VPS37A: variants seen among roughly 807,000 people sequenced by gnomAD.
VPS37A encodes VPS37A subunit of ESCRT-I.
A neutral mutation model predicts 49.8 loss-of-function variants in VPS37A; 30 were observed. That is an observed-to-expected ratio of 0.60 (90% CI 0.45 to 0.82). VPS37A has a LOEUF of 0.82. Among genes scored for constraint, VPS37A ranks in the 40% least tolerant of loss-of-function variants. VPS37A has a pLI of 0.00. For synonymous variants in VPS37A, 195 were observed against 160.6 expected, an observed-to-expected ratio of 1.21 and a Z score of -1.62; for missense variants, 593 against 464.4, an observed-to-expected ratio of 1.28 and a Z score of -2.55.
At chr8:17,302,025 G>A (rs539180688), downstream of VPS37A, 55 of 1,227,496 alleles carry the variant, frequency 4.5e-5, no homozygotes, top group Non-Finnish European at 6.2e-5. Context: ...ATGGGGTTGT[G>A]TTTCAGGTGT....
intron 1 of VPS37A, among the ~76,000 whole-genome samples, chr8:17,265,189 G>C (rs1269431627): frequency 6.6e-6 from 1 of 152,122 alleles, no homozygotes; most frequent in South Asian, 2.1e-4. Flanking sequence ...TAGAAGTCTA[G>C]TTCCTAGATC....
At chr8:17,256,082 C>G (rs1812419153) in intron 1 of VPS37A, among the ~76,000 whole-genome samples, 2 of 151,174 alleles carry the variant, frequency 1.3e-5, no homozygotes, top group Admixed American at 1.3e-4. Context: ...ATGGCAGTTT[C>G]ATTTTTTTTT....
At chr8:17,304,311 C>G, downstream of VPS37A, 1 of 1,552,288 alleles carries the variant, frequency 6.4e-7, no homozygotes, top group Non-Finnish European at 8.8e-7. Context: ...ACTTTGACCT[C>G]TGAATGTTAA....
rs768463922 is a variant in VPS37A at position 17,265,989 on chromosome 8, GA to G, written c.200+10del. 3 of 1,604,926 alleles carry G rather than the reference GA, an allele frequency of 1.9e-6. No individual in the cohort carries two copies. Among genetic ancestry groups the G allele is most frequent in the Non-Finnish European group, 2.6e-6 (3 of 1,175,740 alleles). On this transcript the variant is annotated intron_variant, in intron 2 of 11. Transcript: ENST00000324849. ...GACAATTAACATTAATATGTGAGTA[GA>G]ATTGTATCCTACTTTTTCATGTAAA...
chr8:17,300,180 C>A, downstream of VPS37A: 1 of 1,613,684 alleles, frequency 6.2e-7, no homozygotes, highest in South Asian at 1.1e-5. Context: ...GCTTACTCTT[C>A]ACCTTAGTGC....
chr8:17,268,224 T>G, intron 2 of VPS37A, 34 bp from the exon 3 acceptor site: 1 of 1,442,322 alleles, frequency 6.9e-7, no homozygotes, highest in Non-Finnish European at 9.7e-7. Context: ...TTGTTATCTT[T>G]GTTTTTGTTT....
intron 11 of VPS37A, chr8:17,286,745 A>G (rs997585800): frequency 5.2e-6 from 1 of 193,140 alleles, no homozygotes; most frequent in African/African-American, 2.3e-5. Flanking sequence ...TGTGGCTAAC[A>G]TTTCTCAGAA....
intron 9 of VPS37A, 145 bp from the exon 10 acceptor site, chr8:17,284,328 A>T: frequency 1.1e-6 from 1 of 885,660 alleles, no homozygotes; most frequent in East Asian, 3.3e-5. Flanking sequence ...TGGGTGGGGC[A>T]TTATAAGACA....
At chr8:17,258,184 T>C (rs181255681) in intron 1 of VPS37A, among the ~76,000 whole-genome samples, 4 of 152,336 alleles carry the variant, frequency 2.6e-5, no homozygotes, top group East Asian at 1.9e-4. Flanking sequence ...TCCACTATTA[T>C]ATTGGATAAA....
At chr8:17,316,530 AG>A in the VPS37A span, among the ~76,000 whole-genome samples, 2 of 151,662 alleles carry the variant, frequency 1.3e-5, no homozygotes, top group Non-Finnish European at 2.9e-5. Context: ...GATTTCTATA[AG>A]TGAAATGGGC....
chr8:17,327,671 T>C, the VPS37A span, among the ~76,000 whole-genome samples: 71,300 of 152,008 alleles, frequency 0.47, 18,183 homozygotes, highest in African/African-American at 0.68. Context: ...AAACCAAATA[T>C]ATTATGTCTG....
At chr8:17,270,439 T>G (rs898265890) in intron 4 of VPS37A, among the ~76,000 whole-genome samples, 1 of 152,168 alleles carries the variant, frequency 6.6e-6, no homozygotes, top group African/African-American at 2.4e-5. Flanking sequence ...ATATGTGGCA[T>G]CTCCATGTGA....
the VPS37A span, among the ~76,000 whole-genome samples, chr8:17,307,537 T>C: frequency 6.6e-6 from 1 of 152,170 alleles, no homozygotes; most frequent in South Asian, 2.1e-4. Context: ...CATTACTGGG[T>C]ATATACCCAA....
intron 1 of VPS37A, among the ~76,000 whole-genome samples, chr8:17,253,039 C>A (rs560800787): frequency 1.3e-5 from 2 of 152,262 alleles, no homozygotes; most frequent in Admixed American, 1.3e-4. Flanking sequence ...CGCAATAAAG[C>A]ATGGTACCAT....
intron 1 of VPS37A, among the ~76,000 whole-genome samples, chr8:17,256,832 A>G (rs559056441): frequency 2.0e-5 from 3 of 152,084 alleles, no homozygotes; most frequent in Admixed American, 6.5e-5. Context: ...TTGTATCTTT[A>G]GTAGAGACAG....
downstream of VPS37A, chr8:17,299,727 T>C (rs748364244): frequency 9.0e-5 from 114 of 1,273,026 alleles, no homozygotes; most frequent in Non-Finnish European, 1.1e-4. Context: ...GGCACTTTTT[T>C]CCCTTTTCAT....
intron 1 of VPS37A, among the ~76,000 whole-genome samples, chr8:17,256,975 T>A (rs1016460975): frequency 2.6e-5 from 4 of 152,208 alleles, no homozygotes; most frequent in African/African-American, 9.7e-5. Context: ...CCTGTGCTTT[T>A]GAGGTCTTAC....
chr8:17,310,500 CAGG>C, the VPS37A span, among the ~76,000 whole-genome samples: 2 of 152,116 alleles, frequency 1.3e-5, no homozygotes, highest in East Asian at 1.9e-4. Context: ...CGCATGTGTG[CAGG>C]AGAAGAGCCT....
the VPS37A span, among the ~76,000 whole-genome samples, chr8:17,327,136 A>G: frequency 6.6e-6 from 1 of 152,162 alleles, no homozygotes; most frequent in Non-Finnish European, 1.5e-5. Context: ...CACATTTAGT[A>G]TTTTTCATGG....
Sources: allele counts gnomAD v4.1 joint callset (sites outside exome capture counted in the v4.1 genomes callset), GRCh38; gene constraint gnomAD v4.1.1; transcripts MANE v1.5; gene names NCBI Gene and HGNC (gene_info 2026-07-23, HGNC 2026-07-21).